PLEKHH2: variants seen among roughly 807,000 people sequenced by gnomAD.
PLEKHH2 encodes pleckstrin homology domain-containing family H member 2.
A neutral mutation model predicts 187.9 loss-of-function variants in PLEKHH2; 129 were observed. That is an observed-to-expected ratio of 0.69 (90% CI 0.59 to 0.79). The LOEUF is 0.79. Among genes scored for constraint, PLEKHH2 ranks in the 30% least tolerant of loss-of-function variants. The pLI is 0.00. For synonymous variants in PLEKHH2, 686 were observed against 605.6 expected (o/e 1.13, Z -1.95); for missense variants, 2,076 against 1,751.2 (o/e 1.19, Z -3.31).
At position 43,738,355 on chromosome 2, in the gene PLEKHH2, T is replaced by C; in HGVS notation, c.2958T>C (p.Phe986=). The C allele has an allele frequency of 6.2e-7, 1 of 1,609,126 alleles. No homozygotes were observed. Among genetic ancestry groups the C allele is most frequent in the South Asian group, 1.1e-5 (1 of 90,396 alleles). Residue 986 remains phenylalanine, a synonymous_variant, in exon 20 of 30, where the codon TTT becomes TTC. Transcript: ENST00000282406. ...GTTTAATTCAGACCTGCCAGCTTTT[T>C]ATAAATGCTGCAGTTGACTCTCCTG... The part of the protein sequence containing the change: ...AIKLFKTCQL[F]INAAVDSPAI...
chr2:43,654,217 A>G (rs372793482), intron 2 of PLEKHH2, among the ~76,000 whole-genome samples: 1 of 152,136 alleles, frequency 6.6e-6, no homozygotes, highest in African/African-American at 2.4e-5. Flanking sequence ...ATTTATTGAG[A>G]CGGAGTCTTG....
intron 15 of PLEKHH2, among the ~76,000 whole-genome samples, chr2:43,718,110 C>T (rs1343986827): frequency 6.6e-6 from 1 of 152,118 alleles, no homozygotes; most frequent in Non-Finnish European, 1.5e-5. Context: ...ATAGAAACTA[C>T]CTTTGTCATG....
intron 3 of PLEKHH2, among the ~76,000 whole-genome samples, chr2:43,689,682 TTCTC>T (rs1412250924): frequency 2.0e-5 from 3 of 152,210 alleles, no homozygotes; most frequent in Non-Finnish European, 2.9e-5. Flanking sequence ...TGTGGTCTCT[TTCTC>T]TAAGAGATTT....
intron 3 of PLEKHH2, chr2:43,680,436 A>G (rs1350447141): frequency 1.3e-5 from 2 of 156,064 alleles, no homozygotes; most frequent in Non-Finnish European, 2.8e-5. Flanking sequence ...AAAAGAAAAA[A>G]AAGGCTTAAA....
rs1253810289 is a variant in PLEKHH2 at position 43,709,972 on chromosome 2, C to T, written c.1967-18C>T. 1 of 1,593,260 alleles carries T rather than the reference C, an allele frequency of 6.3e-7. No individual in the cohort carries two copies. The highest frequency in any genetic ancestry group is 1.4e-5 in the African/African-American group (1 of 73,750). The stretch of plus-strand genomic sequence containing the variant: ...CCAGTATTAAATACTGACTTGATTT[C>T]TTTCTTTGTTCTCTTAGGTGTGTCT... On this transcript the variant is annotated intron_variant, in intron 11 of 29. Coordinates refer to ENST00000282406, the MANE Select transcript of PLEKHH2 (RefSeq NM_172069.4).
At chr2:43,740,288 TA>T (rs1558598967) in intron 20 of PLEKHH2, among the ~76,000 whole-genome samples, 2 of 152,178 alleles carry the variant, frequency 1.3e-5, no homozygotes, top group Non-Finnish European at 2.9e-5. Context: ...ATAAAGAAAT[TA>T]AAAAAATTTT....
rs1166712933 is a variant in PLEKHH2 at position 43,767,228 on chromosome 2, A to G, written c.*1630A>G. On this transcript the variant is annotated 3_prime_UTR_variant, in exon 30 of 30. Coordinates refer to ENST00000282406, the MANE Select transcript of PLEKHH2 (RefSeq NM_172069.4). ...CCAATTTGAGAAATGTTAGCTGCTG[A>G]ATTAATTTGTTGCCCGAGCCTTCAT... 7.2e-5 allele frequency: 11 copies of G among 152,292 alleles called. No individual in the cohort carries two copies. The highest frequency in any genetic ancestry group is 2.7e-4 in the African/African-American group (11 of 41,430). The allele number at this position is 152,292 out of a possible 1,614,324, so 9.4% of individuals were successfully genotyped here. A position where few individuals can be genotyped will look rare whatever the true frequency, so the allele number is the denominator to read the frequency against.
At chr2:43,666,899 TC>T (rs1438578146) in intron 2 of PLEKHH2, among the ~76,000 whole-genome samples, 1 of 152,198 alleles carries the variant, frequency 6.6e-6, no homozygotes, top group Non-Finnish European at 1.5e-5. Context: ...ATCTCATTTT[TC>T]TTAATAGTAA....
intron 9 of PLEKHH2, among the ~76,000 whole-genome samples, chr2:43,705,128 T>A (rs1384093292): frequency 6.6e-6 from 1 of 152,114 alleles, no homozygotes; most frequent in Non-Finnish European, 1.5e-5. Flanking sequence ...AACAAGAAAT[T>A]TTCCTGTGGT....
chr2:43,692,588 G>A lies in PLEKHH2; in HGVS notation c.261G>A (p.Lys87=). ...TSESETRLYN[K]CQDLESLIQE... ...AATCAGAGACAAGATTATATAATAA[G>A]TGTCAAGATCTGGAGTCGCTAATAC... Residue 87 remains lysine, a synonymous_variant, in exon 4 of 30, where the codon AAG becomes AAA. Coordinates refer to ENST00000282406, the MANE Select transcript of PLEKHH2 (RefSeq NM_172069.4). 6 of 1,608,472 alleles carry A rather than the reference G, an allele frequency of 3.7e-6. No homozygotes were observed. The highest frequency in any genetic ancestry group is 5.1e-6 in the Non-Finnish European group (6 of 1,175,430).
chr2:43,681,613 A>G (rs1039803706), intron 3 of PLEKHH2: 6 of 704,018 alleles, frequency 8.5e-6, no homozygotes, highest in South Asian at 3.2e-5. Context: ...GCTGTACACG[A>G]TATGACACAA....
chr2:43,717,063 G>T (rs748696806), intron 15 of PLEKHH2, among the ~76,000 whole-genome samples: 3 of 152,176 alleles, frequency 2.0e-5, no homozygotes, highest in African/African-American at 7.2e-5. Context: ...GCCAGGAGGG[G>T]ACTGATAAGC....
At chr2:43,746,461 T>C (rs1671781999) in intron 24 of PLEKHH2, among the ~76,000 whole-genome samples, 1 of 152,048 alleles carries the variant, frequency 6.6e-6, no homozygotes, top group Admixed American at 6.5e-5. Flanking sequence ...CAGTGAGCCG[T>C]GATTGTGCCA....
intron 23 of PLEKHH2, among the ~76,000 whole-genome samples, chr2:43,745,578 G>T (rs1671745665): frequency 6.6e-6 from 1 of 152,086 alleles, no homozygotes; most frequent in African/African-American, 2.4e-5. Flanking sequence ...AAAATCCCTG[G>T]AATCTTCTTG....
intron 2 of PLEKHH2, among the ~76,000 whole-genome samples, chr2:43,655,663 T>G (rs1240585730): frequency 6.6e-6 from 1 of 152,194 alleles, no homozygotes; most frequent in Non-Finnish European, 1.5e-5. Context: ...TTTTCCAACA[T>G]GATCACAAAA....
At chr2:43,707,820 C>T (rs1167624635) in intron 11 of PLEKHH2, among the ~76,000 whole-genome samples, 2 of 151,714 alleles carry the variant, frequency 1.3e-5, no homozygotes, top group Non-Finnish European at 2.9e-5. Context: ...GATAATTGGC[C>T]AAAATGAGGT....
chr2:43,666,003 C>T (rs1223467801), intron 2 of PLEKHH2, among the ~76,000 whole-genome samples: 1 of 144,410 alleles, frequency 6.9e-6, no homozygotes, highest in Non-Finnish European at 1.5e-5. Flanking sequence ...GGGCTCCACC[C>T]AGTTCGAGCT....
chr2:43,679,061 G>A, intron 3 of PLEKHH2, 136 bp downstream of exon 3: 1 of 494,138 alleles, frequency 2.0e-6, no homozygotes, highest in Non-Finnish European at 3.5e-6. Context: ...GATCCATAAA[G>A]AAAATGGAGA....
rs1369808727 is a variant in PLEKHH2, at chr2:43,666,356, G to A, written c.124-12507G>A. 3.3e-5 allele frequency among the ~76,000 whole-genome samples: 5 copies of A among 151,362 alleles called. No individual in the cohort carries two copies. In the South Asian group the frequency reaches 8.3e-4, roughly 25 times the overall value. On this transcript the variant is annotated intron_variant, in intron 2 of 29. Transcript: ENST00000282406. ...CTCGCGCACGGTGCGCACACCCACTGGCCTGCGCCCACTGTCTGGCACTCC... is the reference window on the plus strand; with the variant it reads ...CTCGCGCACGGTGCGCACACCCACTAGCCTGCGCCCACTGTCTGGCACTCC...
Sources: allele counts gnomAD v4.1 joint callset (sites outside exome capture counted in the v4.1 genomes callset), GRCh38; gene constraint gnomAD v4.1.1; transcripts MANE v1.5; gene names NCBI Gene and HGNC (gene_info 2026-07-23, HGNC 2026-07-21).